The following FLVCR2 variants were observed in gnomAD, a reference collection of about 807,000 sequenced individuals.
FLVCR2 encodes choline/ethanolamine transporter FLVCR2.
A neutral mutation model predicts 48.9 loss-of-function variants in FLVCR2; 38 were observed. The observed-to-expected ratio is 0.78, with a 90% CI of 0.60 to 1.02. FLVCR2 has a LOEUF of 1.02. Among genes scored for constraint, FLVCR2 ranks in the 50% least tolerant of loss-of-function variants. The probability of loss-of-function intolerance (pLI) is 0.00; values close to 1 mark genes in which losing one functional copy is unlikely to be tolerated. For synonymous variants in FLVCR2, 255 were observed against 257.0 expected (o/e 0.99, Z 0.07); for missense variants, 664 against 663.3 (o/e 1.00, Z -0.01).
chr14:75,598,884 T>C (rs2140015800), intron 1 of FLVCR2, among the ~76,000 whole-genome samples: 1 of 152,362 alleles, frequency 6.6e-6, no homozygotes, highest in Non-Finnish European at 1.5e-5. Context: ...TCCCCACCTT[T>C]TCCTATTTAA....
intron 1 of FLVCR2, among the ~76,000 whole-genome samples, chr14:75,613,511 G>A (rs567951242): frequency 5.9e-5 from 9 of 152,048 alleles, no homozygotes; most frequent in African/African-American, 1.2e-4. Flanking sequence ...CCCCACCTCC[G>A]ACACTGGAGA....
At chr14:75,588,793 C>T (rs1888814196) in intron 1 of FLVCR2, among the ~76,000 whole-genome samples, 1 of 152,208 alleles carries the variant, frequency 6.6e-6, no homozygotes, top group South Asian at 2.1e-4. Context: ...AACACATGAA[C>T]TTTAAGGGAC....
intron 1 of FLVCR2, among the ~76,000 whole-genome samples, chr14:75,586,213 TG>T (rs1888745493): frequency 3.3e-5 from 5 of 152,326 alleles, no homozygotes; most frequent in Admixed American, 3.3e-4. Flanking sequence ...TTACAGGTTT[TG>T]GGATAGGCGG....
At chr14:75,645,071 T>TGTGG in intron 9 of FLVCR2, among the ~76,000 whole-genome samples, 1 of 112,168 alleles carries the variant, frequency 8.9e-6, no homozygotes, top group African/African-American at 3.0e-5. Flanking sequence ...TGTGTGTGTG[T>TGTGG]GTGTGTCAGA....
intron 1 of FLVCR2, among the ~76,000 whole-genome samples, chr14:75,585,925 T>C (rs1323531902): frequency 6.6e-6 from 1 of 152,198 alleles, no homozygotes; most frequent in Non-Finnish European, 1.5e-5. Flanking sequence ...AAAAGACCGC[T>C]TACCCGATTG....
intron 3 of FLVCR2, among the ~76,000 whole-genome samples, chr14:75,625,343 C>G (rs1430733121): frequency 6.6e-6 from 1 of 151,898 alleles, no homozygotes; most frequent in Non-Finnish European, 1.5e-5. Flanking sequence ...ATTTCATTTG[C>G]TTGGCTCTTG....
At chr14:75,584,950 G>A (rs1244961426) in intron 1 of FLVCR2, among the ~76,000 whole-genome samples, 4 of 152,214 alleles carry the variant, frequency 2.6e-5, no homozygotes, top group East Asian at 3.8e-4. Flanking sequence ...AGAGGAAATT[G>A]TTGGGCAGGT....
At position 75,591,480 on chromosome 14, in the gene FLVCR2, C is replaced by T. The variant is rs539762872; in HGVS notation, c.669+11839C>T. On this transcript the variant is annotated intron_variant, in intron 1 of 9. Coordinates refer to ENST00000238667, the MANE Select transcript of FLVCR2 (RefSeq NM_017791.3). ...CCCCATGGCTTTGCTGGACATAGCC[C>T]ACATGGCTGTACTCACAGGTTGGAA... Among the ~76,000 whole-genome samples the T allele has an allele frequency of 3.4e-4, 51 of 151,596 alleles. 1 individual carries two copies. The South Asian group carries it at 8.5e-3, about 25-fold the overall frequency.
intron 1 of FLVCR2, among the ~76,000 whole-genome samples, chr14:75,607,254 G>T (rs1889315636): frequency 6.6e-6 from 1 of 152,152 alleles, no homozygotes; most frequent in Non-Finnish European, 1.5e-5. Context: ...AACCAAGTAA[G>T]CCCTCTGTAA....
chr14:75,597,289 AAAAAG>A (rs1286937570), intron 1 of FLVCR2, among the ~76,000 whole-genome samples: 1 of 140,716 alleles, frequency 7.1e-6, no homozygotes, highest in African/African-American at 3.0e-5. Context: ...CAAAAAAAAA[AAAAAG>A]AAGAAGAAGA....
intron 1 of FLVCR2, among the ~76,000 whole-genome samples, chr14:75,614,139 C>T (rs1165429124): frequency 2.0e-5 from 3 of 152,186 alleles, no homozygotes; most frequent in Non-Finnish European, 2.9e-5. Context: ...TACAGTAATC[C>T]AATGTGTGAA....
chr14:75,603,351 C>T (rs1420949764), intron 1 of FLVCR2, among the ~76,000 whole-genome samples: 1 of 152,196 alleles, frequency 6.6e-6, no homozygotes, highest in South Asian at 2.1e-4. Context: ...ATTAGCCAGA[C>T]ATCAGAGAGA....
At chr14:75,622,325 AT>A in intron 2 of FLVCR2, 105 bp downstream of exon 2, 1 of 1,171,868 alleles carries the variant, frequency 8.5e-7, no homozygotes, top group Non-Finnish European at 1.3e-6. Flanking sequence ...TACCATGGAT[AT>A]TTACAGAAAC....
intron 1 of FLVCR2, among the ~76,000 whole-genome samples, chr14:75,585,324 A>C (rs904198178): frequency 6.6e-6 from 1 of 152,176 alleles, no homozygotes; most frequent in African/African-American, 2.4e-5. Flanking sequence ...ATCTTGTAGG[A>C]TGGACAGATC....
chr14:75,606,850 T>C (rs10047955), intron 1 of FLVCR2, among the ~76,000 whole-genome samples: 5 of 151,428 alleles, frequency 3.3e-5, no homozygotes, highest in African/African-American at 1.2e-4. Context: ...AGGCTGAGGT[T>C]GGGGGATCAC....
At chr14:75,641,756 G>A in intron 8 of FLVCR2, 87 bp from the exon 9 acceptor site, 1 of 1,234,076 alleles carries the variant, frequency 8.1e-7, no homozygotes, top group Non-Finnish European at 1.2e-6. Flanking sequence ...GGATACCTGT[G>A]ACCCTTAGGA....
rs1025407814 is a variant in FLVCR2 at position 75,634,880 on chromosome 14, G to A, written c.1021-30G>A. 6.0e-6 allele frequency: 9 copies of A among 1,496,280 alleles called. No homozygotes were observed. In the African/African-American group the frequency reaches 8.2e-5, roughly 14 times the overall value. 92.7% of individuals were successfully genotyped at this position (1,496,280 alleles called of 1,614,324 possible). On this transcript the variant is annotated intron_variant, in intron 4 of 9. Coordinates refer to ENST00000238667, the MANE Select transcript of FLVCR2 (RefSeq NM_017791.3). Reference sequence around the variant, plus strand: ...CTGTCCTGGGTCTTGTCCCATCGCCGGGTGATCTTTGGGGTTATGGTTTCC... The same window carrying A: ...CTGTCCTGGGTCTTGTCCCATCGCCAGGTGATCTTTGGGGTTATGGTTTCC...
intron 3 of FLVCR2, among the ~76,000 whole-genome samples, chr14:75,625,680 T>C (rs1471872165): frequency 6.6e-6 from 1 of 152,026 alleles, no homozygotes; most frequent in African/African-American, 2.4e-5. Flanking sequence ...AGAAATGAAA[T>C]TGGTTTGACA....
intron 6 of FLVCR2, among the ~76,000 whole-genome samples, chr14:75,640,313 T>C (rs1315621152): frequency 1.3e-5 from 2 of 151,524 alleles, no homozygotes; most frequent in East Asian, 3.9e-4. Flanking sequence ...AGACCTGTTG[T>C]ATGAGAAAAC....
Sources: gnomAD v4.1 joint callset for allele counts (sites outside exome capture counted in the v4.1 genomes callset) on GRCh38, gnomAD v4.1.1 for gene constraint, MANE v1.5 for transcripts, NCBI Gene and HGNC (gene_info 2026-07-23, HGNC 2026-07-21) for gene names.